The following FBXL17 variants were observed in gnomAD, a reference collection of about 807,000 sequenced individuals.
FBXL17 encodes the protein F-box and leucine rich repeat protein 17.
Under a neutral mutation model 66.2 loss-of-function variants are expected in FBXL17, and 22 were observed. The observed-to-expected ratio is 0.33, with a 90% CI of 0.24 to 0.47. The LOEUF is 0.47. Among genes scored for constraint, FBXL17 ranks in the 20% least tolerant of loss-of-function variants. The pLI, the probability that FBXL17 is intolerant of heterozygous loss-of-function variation, is 1.00. For missense variants in FBXL17, 878 were observed against 948.2 expected (o/e 0.93, Z 0.97); for synonymous variants, 474 against 400.5 (o/e 1.18, Z -2.19).
intron 6 of FBXL17, among the ~76,000 whole-genome samples, chr5:108,104,464 C>T (rs1358356654): frequency 1.3e-5 from 2 of 152,224 alleles, no homozygotes; most frequent in African/African-American, 4.8e-5. Context: ...GAACATCACA[C>T]TAAGTATAGG....
intron 4 of FBXL17, among the ~76,000 whole-genome samples, chr5:108,263,400 C>A (rs1032531128): frequency 2.6e-4 from 40 of 152,074 alleles, no homozygotes; most frequent in African/African-American, 8.7e-4. Context: ...AACTGCAGTA[C>A]AAGGGAATTC....
At chr5:108,312,924 A>C (rs1363068935) in intron 4 of FBXL17, among the ~76,000 whole-genome samples, 1 of 152,152 alleles carries the variant, frequency 6.6e-6, no homozygotes, top group South Asian at 2.1e-4. Flanking sequence ...GTTAGACTGA[A>C]GTTATTCATA....
At chr5:107,877,047 C>T (rs764692825) in intron 8 of FBXL17, among the ~76,000 whole-genome samples, 48 of 152,218 alleles carry the variant, frequency 3.2e-4, no homozygotes, top group Non-Finnish European at 4.9e-4. Context: ...CCCAATTCAT[C>T]AAAGCCGTCT....
At chr5:107,896,572 A>T in intron 7 of FBXL17, among the ~76,000 whole-genome samples, 1 of 152,212 alleles carries the variant, frequency 6.6e-6, no homozygotes, top group Middle Eastern at 3.4e-3. Flanking sequence ...GTTCTTGTCT[A>T]TTTTTTTATC....
chr5:108,364,099 TAG>T (rs1748509621), intron 3 of FBXL17, among the ~76,000 whole-genome samples: 1 of 152,020 alleles, frequency 6.6e-6, no homozygotes, highest in South Asian at 2.1e-4. Context: ...CTATTTAGGA[TAG>T]AGTCTTCCCA....
chr5:107,996,553 G>A (rs541264602), intron 7 of FBXL17, among the ~76,000 whole-genome samples: 30 of 152,290 alleles, frequency 2.0e-4, no homozygotes, highest in African/African-American at 7.2e-4. Flanking sequence ...GATCTCAGGT[G>A]ATCCGCCCAC....
At chr5:108,252,466 CTA>C (rs1756399675) in intron 4 of FBXL17, among the ~76,000 whole-genome samples, 1 of 151,948 alleles carries the variant, frequency 6.6e-6, no homozygotes, top group Non-Finnish European at 1.5e-5. Flanking sequence ...AAAAAAGAAA[CTA>C]ATTCTGAAAA....
At chr5:108,339,940 T>C (rs2112423369) in intron 4 of FBXL17, among the ~76,000 whole-genome samples, 1 of 152,216 alleles carries the variant, frequency 6.6e-6, no homozygotes, top group South Asian at 2.1e-4. Flanking sequence ...ATTAAGCAGG[T>C]AAATCTGCTG....
At chr5:108,017,401 C>A (rs1159559969) in intron 7 of FBXL17, among the ~76,000 whole-genome samples, 1 of 152,096 alleles carries the variant, frequency 6.6e-6, no homozygotes, top group East Asian at 1.9e-4. Context: ...ACAGAAAAGT[C>A]ACATTTGGAA....
At position 108,059,987 on chromosome 5, in the gene FBXL17, A is replaced by G. The variant is rs187354013; in HGVS notation, c.1746-38986T>C. On this transcript the variant is annotated intron_variant, in intron 6 of 8. Coordinates refer to ENST00000542267, the MANE Select transcript of FBXL17 (RefSeq NM_001163315.3). ...ATAAATATACACTGAATATGTTTTTATATACTGAATATATATAAAAACCTA... is the reference window on the plus strand; with the variant it reads ...ATAAATATACACTGAATATGTTTTTGTATACTGAATATATATAAAAACCTA... 8.6e-5 allele frequency among the ~76,000 whole-genome samples: 13 copies of G among 150,638 alleles called. No individual in the cohort carries two copies. In the Admixed American group the frequency reaches 8.7e-4, roughly 10 times the overall value.
At chr5:108,030,831 T>G (rs530153341) in intron 6 of FBXL17, among the ~76,000 whole-genome samples, 1 of 152,246 alleles carries the variant, frequency 6.6e-6, no homozygotes, top group Non-Finnish European at 1.5e-5. Context: ...CAGGTAAATG[T>G]GCCTGGAATC....
chr5:108,016,650 C>T (rs1457768703), intron 7 of FBXL17, among the ~76,000 whole-genome samples: 3 of 152,246 alleles, frequency 2.0e-5, no homozygotes, highest in African/African-American at 2.4e-5. Context: ...AAGTGCTGTG[C>T]GGCCCAAGAG....
chr5:107,975,153 T>A (rs1247500771), intron 7 of FBXL17, among the ~76,000 whole-genome samples: 1 of 152,192 alleles, frequency 6.6e-6, no homozygotes, highest in Non-Finnish European at 1.5e-5. Context: ...CAGAGTCTAG[T>A]CATTGAGCTA....
intron 4 of FBXL17, among the ~76,000 whole-genome samples, chr5:108,311,639 T>C (rs1268617601): frequency 6.6e-6 from 1 of 152,148 alleles, no homozygotes; most frequent in Non-Finnish European, 1.5e-5. Flanking sequence ...CTAAGAGTCT[T>C]TTTATTTCAT....
Position 108,381,715 on chromosome 5 carries a change from C to T in FBXL17, c.-24G>A, listed in dbSNP as rs746899362. On this transcript the variant is annotated 5_prime_UTR_variant, in exon 1 of 9. Coordinates refer to ENST00000542267, the MANE Select transcript of FBXL17 (RefSeq NM_001163315.3). ...ATATAGAAGGCCCCGAGGAGGGGGA[C>T]CGGGACGGGAGGGAGGGAGACCCAG... The T allele has an allele frequency of 2.1e-6, 3 of 1,431,280 alleles. No homozygotes were observed. The highest frequency in any genetic ancestry group is 1.8e-6 in the Non-Finnish European group (2 of 1,098,746). The allele number at this position is 1,431,280 out of a possible 1,614,324, so 88.7% of individuals were successfully genotyped here. A position where few individuals can be genotyped will look rare whatever the true frequency, so the allele number is the denominator to read the frequency against.
At chr5:108,170,871 G>T (rs1561445679) in intron 6 of FBXL17, among the ~76,000 whole-genome samples, 1 of 152,088 alleles carries the variant, frequency 6.6e-6, no homozygotes, top group South Asian at 2.1e-4. Flanking sequence ...GATGTTGAAG[G>T]CATAAATATA....
intron 7 of FBXL17, among the ~76,000 whole-genome samples, chr5:107,899,323 T>C (rs894140837): frequency 6.6e-6 from 1 of 152,180 alleles, no homozygotes; most frequent in African/African-American, 2.4e-5. Flanking sequence ...TGATCAACAG[T>C]AGGCCATCAG....
intron 6 of FBXL17, among the ~76,000 whole-genome samples, chr5:108,160,927 T>C (rs553132480): frequency 4.6e-5 from 7 of 152,198 alleles, no homozygotes; most frequent in Admixed American, 1.3e-4. Context: ...AAGGGAGCCA[T>C]TTCCCTTGCT....
At chr5:108,143,726 GAAAAAAAA>G (rs67537467) in intron 6 of FBXL17, among the ~76,000 whole-genome samples, 8,709 of 107,600 alleles carry the variant, frequency 0.081, 387 homozygotes, top group Middle Eastern at 0.12. Flanking sequence ...GTTTTCATGG[GAAAAAAAA>G]AAAAAAAAAA....
Sources: allele counts gnomAD v4.1 joint callset (sites outside exome capture counted in the v4.1 genomes callset), GRCh38; gene constraint gnomAD v4.1.1; transcripts MANE v1.5; gene names NCBI Gene and HGNC (gene_info 2026-07-23, HGNC 2026-07-21).